RNF4: variants seen among roughly 807,000 people sequenced by gnomAD.
The protein encoded by RNF4 is ring finger protein 4, also known as E3 ubiquitin-protein ligase RNF4.
Under a neutral mutation model 24.3 loss-of-function variants are expected in RNF4, and 7 were observed. The ratio of observed to expected loss-of-function variants is 0.29; its 90% CI spans 0.16 to 0.54. The LOEUF is 0.54. Ranked by LOEUF, RNF4 falls within the 20% of genes least tolerant of loss-of-function variation. The probability of loss-of-function intolerance (pLI) is 0.95; values close to 1 mark genes in which losing one functional copy is unlikely to be tolerated. For missense variants in RNF4, 209 were observed against 248.5 expected, an observed-to-expected ratio of 0.84 and a Z score of 1.07; for synonymous variants, 83 against 84.3, an observed-to-expected ratio of 0.98 and a Z score of 0.09.
At chr4:2,490,884 T>C (rs1207146372) in intron 2 of RNF4, 1 of 174,528 alleles carries the variant, frequency 5.7e-6, no homozygotes, top group Non-Finnish European at 1.2e-5. Flanking sequence ...AAAGATTACT[T>C]GAGCCTAGGA....
At chr4:2,497,348 A>C (rs1735769454) in intron 3 of RNF4, 1 of 347,448 alleles carries the variant, frequency 2.9e-6, no homozygotes, top group Non-Finnish European at 5.2e-6. Flanking sequence ...TTTAAAAAAA[A>C]ATCTAGCGCA....
intron 1 of RNF4, among the ~76,000 whole-genome samples, chr4:2,483,038 C>T (rs554202749): frequency 1.3e-5 from 2 of 152,320 alleles, no homozygotes; most frequent in Admixed American, 1.3e-4. Flanking sequence ...TAATAGCACT[C>T]ATACCTGTAA....
At chr4:2,505,342 T>G (rs1226362954) in intron 4 of RNF4, 1 of 151,754 alleles carries the variant, frequency 6.6e-6, no homozygotes, top group Non-Finnish European at 1.5e-5. Context: ...TTTTTTTTTT[T>G]TGAGATGGAG....
chr4:2,486,888 A>G (rs1479905539), intron 1 of RNF4, among the ~76,000 whole-genome samples: 1 of 152,124 alleles, frequency 6.6e-6, no homozygotes, highest in Non-Finnish European at 1.5e-5. Flanking sequence ...AAGCCCCTAT[A>G]TGATAGATGT....
At chr4:2,506,571 CT>C (rs147714212) in intron 4 of RNF4, among the ~76,000 whole-genome samples, 2 of 138,874 alleles carry the variant, frequency 1.4e-5, no homozygotes, top group Admixed American at 7.2e-5. Context: ...TCTTCTTCTT[CT>C]TTTTTTTTCC....
At chr4:2,482,163 GA>G (rs1735263383) in intron 1 of RNF4, among the ~76,000 whole-genome samples, 1 of 152,210 alleles carries the variant, frequency 6.6e-6, no homozygotes, top group African/African-American at 2.4e-5. Flanking sequence ...TGCTGTTTGA[GA>G]TTAGGCCCCC....
At chr4:2,500,833 G>T in intron 4 of RNF4, 95 bp downstream of exon 4, 1 of 1,148,716 alleles carries the variant, frequency 8.7e-7, no homozygotes. Context: ...TCCAAGTCAA[G>T]GTTACAGCTT....
intron 1 of RNF4, among the ~76,000 whole-genome samples, chr4:2,487,904 A>G (rs1157768041): frequency 1.3e-5 from 2 of 152,158 alleles, no homozygotes; most frequent in Non-Finnish European, 2.9e-5. Context: ...TCAGAACCAG[A>G]CGACCAAGTG....
chr4:2,489,076 G>A (rs1408507121), intron 1 of RNF4, among the ~76,000 whole-genome samples: 1 of 152,166 alleles, frequency 6.6e-6, no homozygotes, highest in Non-Finnish European at 1.5e-5. Context: ...GCCTCCCAGA[G>A]TGCTGGGATT....
chr4:2,477,956 G>C (rs1044609041), intron 1 of RNF4, among the ~76,000 whole-genome samples: 1 of 152,186 alleles, frequency 6.6e-6, no homozygotes, highest in East Asian at 1.9e-4. Flanking sequence ...TTTGGAACTC[G>C]CTAGAGACTT....
chr4:2,490,657 C>T (rs2108761576), intron 2 of RNF4, 155 bp downstream of exon 2: 3 of 704,370 alleles, frequency 4.3e-6, no homozygotes, highest in East Asian at 2.8e-5. Context: ...GTGGTTACAT[C>T]AGCTTACTTA....
rs1736281036 is a variant in RNF4 at position 2,511,958 on chromosome 4, T to A, written c.207T>A (p.Ile69=). 3 of 1,607,072 alleles carry A rather than the reference T, an allele frequency of 1.9e-6. No individual in the cohort carries two copies. Among genetic ancestry groups the A allele is most frequent in the Non-Finnish European group, 2.5e-6 (3 of 1,176,744 alleles). ...GTTTTTCTCCTTCTGTTTACAAGAT[T>A]GTTGACGGTGAGTGGTTTCGTTTCC... ...VDLTHNDSVV[I]VDERRRPRRN... The change falls in exon 5 of 8, where the codon ATT becomes ATA. Residue 69 remains isoleucine, a splice_region_variant and synonymous_variant. Coordinates refer to ENST00000314289, the MANE Select transcript of RNF4 (RefSeq NM_002938.5).
intron 7 of RNF4, 85 bp from the exon 8 acceptor site, chr4:2,513,585 G>C (rs957492076): frequency 2.0e-5 from 31 of 1,525,916 alleles, no homozygotes; most frequent in African/African-American, 2.8e-5. Context: ...AGTCATCTTA[G>C]GCATAGGTGG....
intron 1 of RNF4, among the ~76,000 whole-genome samples, chr4:2,484,628 G>A (rs1735353154): frequency 6.7e-6 from 1 of 148,860 alleles, no homozygotes; most frequent in Non-Finnish European, 1.5e-5. Flanking sequence ...GAGTGGGGGG[G>A]GTCAATATCT....
Position 2,508,186 on chromosome 4 carries a change from A to C in RNF4, c.205-3770A>C, listed in dbSNP as rs74939123. On this transcript the variant is annotated intron_variant, in intron 4 of 7. Transcript: ENST00000314289. ...TTCTGATCTTGGGCTAGCTTACCACAGTACTAATTAAACTATTCAGTTCAG... is the reference window on the plus strand; with the variant it reads ...TTCTGATCTTGGGCTAGCTTACCACCGTACTAATTAAACTATTCAGTTCAG... 1.8e-4 allele frequency among the ~76,000 whole-genome samples: 28 copies of C among 152,304 alleles called. No individual in the cohort carries two copies. The East Asian group carries it at 5.4e-3, about 29-fold the overall frequency.
intron 1 of RNF4, among the ~76,000 whole-genome samples, chr4:2,478,591 T>C (rs3121162): frequency 0.88 from 134,578 of 152,298 alleles, 59,569 homozygotes; most frequent in South Asian, 0.93. Context: ...GAACTCAGGC[T>C]GTGGTTTCAG....
intron 4 of RNF4, among the ~76,000 whole-genome samples, chr4:2,501,735 G>A (rs145743629): frequency 3.4e-4 from 52 of 152,272 alleles, no homozygotes; most frequent in African/African-American, 1.2e-3. Context: ...GGAGGACTGT[G>A]GGGTGTGGGG....
At chr4:2,504,435 C>CT (rs1458346495) in intron 4 of RNF4, among the ~76,000 whole-genome samples, 1 of 151,924 alleles carries the variant, frequency 6.6e-6, no homozygotes, top group Non-Finnish European at 1.5e-5. Flanking sequence ...TTAATTTGTG[C>CT]TTTTTTATTA....
chr4:2,496,462 C>T (rs1308239275), intron 2 of RNF4, among the ~76,000 whole-genome samples: 1 of 152,106 alleles, frequency 6.6e-6, no homozygotes, highest in African/African-American at 2.4e-5. Flanking sequence ...CCCTTTTGAC[C>T]TGCTGATAGT....
Sources: gnomAD v4.1 joint callset for allele counts (sites outside exome capture counted in the v4.1 genomes callset) on GRCh38, gnomAD v4.1.1 for gene constraint, MANE v1.5 for transcripts, NCBI Gene and HGNC (gene_info 2026-07-23, HGNC 2026-07-21) for gene names.